The following INPP5D variants were observed in gnomAD, a reference collection of about 807,000 sequenced individuals.
INPP5D encodes phosphatidylinositol 3,4,5-trisphosphate 5-phosphatase 1.
In INPP5D, 33 loss-of-function variants were observed where a neutral mutation model predicts 122.9. The observed-to-expected ratio is 0.27, with a 90% confidence interval of 0.20 to 0.36. The LOEUF (loss-of-function observed/expected upper bound fraction) is 0.36. INPP5D is among the 10% of genes least tolerant of loss of function. INPP5D has a pLI of 1.00. For synonymous variants in INPP5D, 584 were observed against 576.2 expected (o/e 1.01, Z -0.19); for missense variants, 1,053 against 1,412.7 (o/e 0.75, Z 4.08).
chr2:233,159,541 A>T (rs576497282), intron 10 of INPP5D, among the ~76,000 whole-genome samples: 60 of 151,512 alleles, frequency 4.0e-4, no homozygotes, highest in African/African-American at 1.4e-3. Flanking sequence ...CTACGAAAAA[A>T]AAAATAGCTG....
chr2:233,073,373 C>T (rs890551296), intron 1 of INPP5D, among the ~76,000 whole-genome samples: 1 of 152,210 alleles, frequency 6.6e-6, no homozygotes, highest in African/African-American at 2.4e-5. Context: ...GACACAGTGG[C>T]TCACGCCTGT....
intron 2 of INPP5D, among the ~76,000 whole-genome samples, chr2:233,117,794 C>A (rs1692846599): frequency 6.6e-6 from 1 of 152,220 alleles, no homozygotes; most frequent in Non-Finnish European, 1.5e-5. Flanking sequence ...TGAAAAGGCA[C>A]CACCTTTAGC....
At chr2:233,113,636 C>T (rs546673396) in intron 2 of INPP5D, among the ~76,000 whole-genome samples, 1 of 152,164 alleles carries the variant, frequency 6.6e-6, no homozygotes, top group Admixed American at 6.5e-5. Flanking sequence ...TTAAATATCA[C>T]CAACATCAAC....
At chr2:233,076,926 A>T (rs1368999558) in intron 1 of INPP5D, among the ~76,000 whole-genome samples, 2 of 152,210 alleles carry the variant, frequency 1.3e-5, no homozygotes, top group South Asian at 2.1e-4. Flanking sequence ...AAAAAAGGCC[A>T]CAACTTCATT....
chr2:233,125,505 T>C (rs985218641), intron 3 of INPP5D, among the ~76,000 whole-genome samples: 1 of 152,224 alleles, frequency 6.6e-6, no homozygotes, highest in African/African-American at 2.4e-5. Context: ...AGACCCTCCA[T>C]GGAGCAAGGC....
At chr2:233,130,681 G>A (rs748709487) in intron 5 of INPP5D, 33 bp downstream of exon 5, 3 of 1,612,500 alleles carry the variant, frequency 1.9e-6, no homozygotes, top group Non-Finnish European at 2.5e-6. Flanking sequence ...GGGCAGGTGG[G>A]GGCGGCCACC....
chr2:233,157,747 GC>G (rs202183546), intron 9 of INPP5D, among the ~76,000 whole-genome samples: 7,213 of 127,346 alleles, frequency 0.057, 576 homozygotes, highest in African/African-American at 0.21. Flanking sequence ...ATTAATCTAA[GC>G]ATTTTTTTTT....
In INPP5D at chr2:233,082,005, T is replaced by A. The variant is rs1381396682; in HGVS notation, c.198+2607T>A. Among the ~76,000 whole-genome samples the A allele has an allele frequency of 6.6e-6, 1 of 152,076 alleles. No homozygotes were observed. Among genetic ancestry groups the A allele is most frequent in the Non-Finnish European group, 1.5e-5 (1 of 68,004 alleles). ...GACAGAGTCGTGGGGGCAGCGTGCC[T>A]CCTTAAGGTCTCCGCTTAGCCAGGA... On this transcript the variant is annotated intron_variant, in intron 2 of 26. Transcript: ENST00000445964. This position sits in a 1 kb window ranked among gnomAD's most constrained non-coding sequence, Gnocchi z 4.7.
chr2:233,170,709 C>A lies in INPP5D; in HGVS notation c.1900+105C>A. 7.0e-7 allele frequency: 1 copy of A among 1,434,656 alleles called. No individual in the cohort carries two copies. Among genetic ancestry groups the A allele is most frequent in the East Asian group, 2.5e-5 (1 of 39,218 alleles). 88.9% of individuals were successfully genotyped at this position (1,434,656 alleles called of 1,614,324 possible). A position where few individuals can be genotyped will look rare whatever the true frequency, so the allele number is the denominator to read the frequency against. The stretch of plus-strand genomic sequence containing the variant: ...ACGAGATCAGGAGATGGAGACCATC[C>A]TGGCTAACACAGTGAAACCCCGTCT... On this transcript the variant is annotated intron_variant, in intron 16 of 26. Coordinates refer to ENST00000445964, the MANE Select transcript of INPP5D (RefSeq NM_001017915.3). The surrounding 1 kb of genome is among the most constrained non-coding windows in gnomAD (Gnocchi z 4.5).
At chr2:233,143,100 T>A (rs1693664004) in intron 6 of INPP5D, among the ~76,000 whole-genome samples, 1 of 152,104 alleles carries the variant, frequency 6.6e-6, no homozygotes, top group African/African-American at 2.4e-5. Context: ...TATTCCCCCA[T>A]CAGCAAAACA....
intron 25 of INPP5D, among the ~76,000 whole-genome samples, chr2:233,199,161 C>T (rs1695264495): frequency 6.6e-6 from 1 of 152,060 alleles, no homozygotes; most frequent in African/African-American, 2.4e-5. Context: ...TCGCTTGAGC[C>T]CAGGAGGCAG....
chr2:233,205,322 T>G, intron 26 of INPP5D: 1 of 133,840 alleles, frequency 7.5e-6, no homozygotes, highest in East Asian at 2.3e-4. Context: ...TCCAGCCTGG[T>G]GACAAAGCAA....
chr2:233,098,040 C>T (rs1692196290), intron 2 of INPP5D, among the ~76,000 whole-genome samples: 1 of 152,068 alleles, frequency 6.6e-6, no homozygotes, highest in African/African-American at 2.4e-5. Context: ...CATGCGCCAC[C>T]ATGCCTGGCT....
chr2:233,126,369 G>A (rs138321652), intron 4 of INPP5D, among the ~76,000 whole-genome samples: 1 of 152,302 alleles, frequency 6.6e-6, no homozygotes, highest in Non-Finnish European at 1.5e-5. Flanking sequence ...TGCCAGGGCT[G>A]CCCTCCTCCT....
At chr2:233,161,632 TCA>T (rs1166487714) in intron 10 of INPP5D, 90 bp from the exon 11 acceptor site, 2 of 1,445,710 alleles carry the variant, frequency 1.4e-6, no homozygotes, top group Non-Finnish European at 1.8e-6. Flanking sequence ...TACGCTCCTC[TCA>T]GTTTTCTTGA....
rs1226962469 is a variant in INPP5D, at chr2:233,197,997, G to A, written c.2694-98G>A. The A allele has an allele frequency of 9.8e-6, 14 of 1,422,012 alleles. No homozygotes were observed. The highest frequency in any genetic ancestry group is 8.3e-6 in the Non-Finnish European group (9 of 1,083,326). 88.1% of individuals were successfully genotyped at this position (1,422,012 alleles called of 1,614,324 possible). A position where few individuals can be genotyped will look rare whatever the true frequency, so the allele number is the denominator to read the frequency against. ...GGTGAAGGAGTTGAGGAGAGCTCGA[G>A]AGAGCCCTAGGGTTATCAGAGGACA... On this transcript the variant is annotated intron_variant, in intron 24 of 26. Transcript: ENST00000445964. This position sits in a 1 kb window ranked among gnomAD's most constrained non-coding sequence, Gnocchi z 4.4.
At chr2:233,067,084 T>C (rs1691250241) in intron 1 of INPP5D, among the ~76,000 whole-genome samples, 1 of 152,222 alleles carries the variant, frequency 6.6e-6, no homozygotes, top group Admixed American at 6.5e-5. Context: ...GGCCCTGGTA[T>C]ACAATTCTTT....
intron 25 of INPP5D, 49 bp from the exon 26 acceptor site, chr2:233,204,077 T>C (rs1167621234): frequency 6.9e-7 from 1 of 1,456,016 alleles, no homozygotes; most frequent in Non-Finnish European, 9.1e-7. Flanking sequence ...CATGCTCCCA[T>C]GTCTTCTCCC....
intron 9 of INPP5D, among the ~76,000 whole-genome samples, chr2:233,152,840 G>A (rs1298118259): frequency 6.8e-6 from 1 of 147,966 alleles, no homozygotes; most frequent in African/African-American, 2.5e-5. Flanking sequence ...AATGCAGCAA[G>A]CCACTATTAG....
Sources: gnomAD v4.1 joint callset for allele counts (sites outside exome capture counted in the v4.1 genomes callset) on GRCh38, gnomAD v4.1.1 for gene constraint, Gnocchi (gnomAD v3.1) non-coding constraint, MANE v1.5 for transcripts, NCBI Gene and HGNC (gene_info 2026-07-23, HGNC 2026-07-21) for gene names.